TGM5: variants seen among roughly 807,000 people sequenced by gnomAD.
TGM5 encodes protein-glutamine gamma-glutamyltransferase 5.
In TGM5, 69 loss-of-function variants were observed where a neutral mutation model predicts 77.2. The observed-to-expected ratio is 0.89, with a 90% CI of 0.74 to 1.09. The LOEUF is 1.09. Among genes scored for constraint, TGM5 ranks in the 50% least tolerant of loss-of-function variants. The pLI, the probability that TGM5 is intolerant of heterozygous loss-of-function variation, is 0.00. For synonymous variants in TGM5, 346 were observed against 351.8 expected (o/e 0.98, Z 0.18); for missense variants, 842 against 896.5 (o/e 0.94, Z 0.78).
rs1281523629 is a variant in TGM5 at position 43,260,597 on chromosome 15, G to C, written c.11-18C>G. 2.5e-6 allele frequency: 4 copies of C among 1,614,012 alleles called. No individual in the cohort carries two copies. The African/African-American group carries it at 5.3e-5, about 22-fold the overall frequency. ...TTCTAGCCCTGCAATGGGGCAGCCA[G>C]GGTTAGACAAAATAGTGGGGTTGTG... On this transcript the variant is annotated intron_variant, in intron 1 of 12. Transcript: ENST00000220420.
chr15:43,235,716 G>A lies in TGM5; in HGVS notation c.1467C>T (p.Asp489=), dbSNP rs886367923. ...AAGGTGTATGCAGGCTCCGAGGGCT[G>A]TCCTGGCTCAGTGATGTGGGCCTGG... is the stretch of plus-strand genomic sequence containing the variant. ...QPSRPTSLSQ[D]SPRSLHTPSL... Residue 489 remains aspartate (D), a synonymous_variant, in exon 10 of 13, where the codon GAC becomes GAT. Transcript: ENST00000220420. 39 of 1,614,084 alleles carry A rather than the reference G, an allele frequency of 2.4e-5. 1 individual carries two copies. The highest frequency in any genetic ancestry group is 4.2e-6 in the Non-Finnish European group (5 of 1,180,050).
Position 43,233,028 on chromosome 15 carries a change from A to T in TGM5, c.*163T>A. ...TTGCCCTCATGGAGCTTAAATTTCT[A>T]GTGGAGTCAGGAGAGACAGAAAATG... On this transcript the variant is annotated 3_prime_UTR_variant, in exon 13 of 13. Transcript: ENST00000220420. The T allele has an allele frequency of 1.2e-6, 1 of 842,382 alleles. No homozygotes were observed. Among genetic ancestry groups the T allele is most frequent in the Non-Finnish European group, 1.8e-6 (1 of 549,236 alleles). 52.2% of individuals were successfully genotyped at this position (842,382 alleles called of 1,614,324 possible).
intron 3 of TGM5, among the ~76,000 whole-genome samples, chr15:43,259,475 A>G (rs2042769132): frequency 6.6e-6 from 1 of 152,142 alleles, no homozygotes; most frequent in African/African-American, 2.4e-5. Flanking sequence ...AAGCTGGAGA[A>G]TGGTATGTAT....
intron 6 of TGM5, among the ~76,000 whole-genome samples, chr15:43,251,310 A>G (rs1779297555): frequency 6.6e-6 from 1 of 151,468 alleles, no homozygotes; most frequent in African/African-American, 2.4e-5. Context: ...TCAACTGTGC[A>G]AAGTCACTCT....
chr15:43,238,369 C>G (rs150299069), intron 9 of TGM5, among the ~76,000 whole-genome samples: 3 of 152,374 alleles, frequency 2.0e-5, no homozygotes, highest in Admixed American at 2.0e-4. Context: ...CAGAGTCAGC[C>G]TCTGGCCGTG....
chr15:43,253,489 C>T lies in TGM5; in HGVS notation c.684+17G>A. On this transcript the variant is annotated intron_variant, in intron 5 of 12. Coordinates refer to ENST00000220420, the MANE Select transcript of TGM5 (RefSeq NM_201631.4). ...CTGCACAGCTTCCTCCCTCCCCGGG[C>T]ACGCCAGGGACCTCACCATGGCACA... The T allele has an allele frequency of 1.2e-6, 2 of 1,609,622 alleles. No individual in the cohort carries two copies. Among genetic ancestry groups the T allele is most frequent in the Non-Finnish European group, 8.5e-7 (1 of 1,179,980 alleles).
chr15:43,261,092 T>TTG (rs2042786832), intron 1 of TGM5, among the ~76,000 whole-genome samples: 1 of 128,002 alleles, frequency 7.8e-6, no homozygotes, highest in Admixed American at 7.8e-5. Flanking sequence ...TTTTTTTTTT[T>TTG]TTTTTTTTTT....
intron 8 of TGM5, 52 bp downstream of exon 8, chr15:43,239,111 G>C: frequency 6.2e-7 from 1 of 1,614,152 alleles, no homozygotes; most frequent in Non-Finnish European, 8.5e-7. Flanking sequence ...CTGGGCAGGG[G>C]TGGGGTGCTT....
rs900447315 is a variant in TGM5 at position 43,233,227 on chromosome 15, C to G, written c.2127G>C (p.Lys709Asn). ...AGTCTACATAAACATTCCTGTAACC[C>G]TTAATGTCCTTAAACTTGTTGCTTC... Reference protein sequence around the residue: ...NMRSNKFKDIKGYRNVYVDFA... With the variant: ...NMRSNKFKDINGYRNVYVDFA... The change falls in exon 13 of 13, where the codon AAG (lysine) becomes AAC (asparagine). Residue 709 changes from lysine to asparagine, a missense_variant. Coordinates refer to ENST00000220420, the MANE Select transcript of TGM5 (RefSeq NM_201631.4). The G allele has an allele frequency of 2.5e-6, 4 of 1,614,036 alleles. No individual in the cohort carries two copies. The highest frequency in any genetic ancestry group is 3.4e-6 in the Non-Finnish European group (4 of 1,180,050).
In TGM5 at chr15:43,238,959, A is replaced by G. The variant is rs2042612021; in HGVS notation, c.1203T>C (p.Ala401=). ...CCTGGACGAGCCAGGACATGCAGTC[A>G]GCATTCACCATCGAAAACACAAAGG... ...DTPFVFSMVN[A]DCMSWLVQGG... is the part of the protein sequence containing the mutation. Residue 401 remains alanine (A), a synonymous_variant, in exon 9 of 13, where the codon GCT becomes GCC. Coordinates refer to ENST00000220420, the MANE Select transcript of TGM5 (RefSeq NM_201631.4). 3 of 1,614,226 alleles carry G rather than the reference A, an allele frequency of 1.9e-6. No homozygotes were observed. The highest frequency in any genetic ancestry group is 2.2e-5 in the East Asian group (1 of 44,878).
At chr15:43,239,137 C>A (rs201893269) in intron 8 of TGM5, 26 bp downstream of exon 8, 4 of 1,614,088 alleles carry the variant, frequency 2.5e-6, no homozygotes, top group Non-Finnish European at 3.4e-6. Context: ...GGGAGCGGGG[C>A]CTGCCTTTCT....
At chr15:43,261,099 T>TG (rs2042787530) in intron 1 of TGM5, among the ~76,000 whole-genome samples, 1 of 134,272 alleles carries the variant, frequency 7.4e-6, no homozygotes, top group African/African-American at 2.9e-5. Context: ...TTTTTTTTTT[T>TG]TTTTTTTTGA....
At chr15:43,249,116 G>T (rs143176272) in intron 6 of TGM5, among the ~76,000 whole-genome samples, 4 of 152,066 alleles carry the variant, frequency 2.6e-5, no homozygotes, top group Non-Finnish European at 4.4e-5. Flanking sequence ...GAGGGATGAT[G>T]CTGTACACCT....
At chr15:43,248,459 A>C (rs1390318712) in intron 6 of TGM5, among the ~76,000 whole-genome samples, 3 of 152,226 alleles carry the variant, frequency 2.0e-5, no homozygotes, top group Admixed American at 1.3e-4. Context: ...GGCATGAGCC[A>C]CTGCACCTGG....
At chr15:43,239,973 T>A (rs1203170009) in intron 7 of TGM5, among the ~76,000 whole-genome samples, 1 of 152,142 alleles carries the variant, frequency 6.6e-6, no homozygotes, top group Non-Finnish European at 1.5e-5. Context: ...GAAGTGTTTT[T>A]TTGGACCTTT....
At chr15:43,253,698 A>T in intron 4 of TGM5, 64 bp from the exon 5 acceptor site, 1 of 1,596,146 alleles carries the variant, frequency 6.3e-7, no homozygotes, top group South Asian at 1.1e-5. Context: ...TGTAAAAAGT[A>T]ATGACTTCCC....
chr15:43,234,344 C>T (rs2042571022), intron 11 of TGM5, among the ~76,000 whole-genome samples: 1 of 152,174 alleles, frequency 6.6e-6, no homozygotes, highest in Non-Finnish European at 1.5e-5. Context: ...CTAGCCTAAT[C>T]CCCTCTCTAA....
At chr15:43,240,337 G>A (rs1305340926) in intron 7 of TGM5, among the ~76,000 whole-genome samples, 1 of 152,178 alleles carries the variant, frequency 6.6e-6, no homozygotes, top group Non-Finnish European at 1.5e-5. Flanking sequence ...CATACCATTT[G>A]TCCAAGCAGA....
At chr15:43,246,367 C>G (rs555180903) in intron 6 of TGM5, among the ~76,000 whole-genome samples, 18 of 152,298 alleles carry the variant, frequency 1.2e-4, no homozygotes, top group African/African-American at 4.3e-4. Context: ...CCACTTCATG[C>G]TAGCAAAGAC....
Sources: gnomAD v4.1 joint callset for allele counts (sites outside exome capture counted in the v4.1 genomes callset) on GRCh38, gnomAD v4.1.1 for gene constraint, MANE v1.5 for transcripts, NCBI Gene and HGNC (gene_info 2026-07-23, HGNC 2026-07-21) for gene names.